ABHD12: variants seen among roughly 807,000 people sequenced by gnomAD.
ABHD12 encodes lysophosphatidylserine lipase ABHD12.
ABHD12 carries 43 observed loss-of-function variants against 58.3 expected under a neutral mutation model. The observed-to-expected ratio is 0.74, with a 90% CI of 0.58 to 0.95. ABHD12 has a LOEUF of 0.95. ABHD12 is among the 40% of genes least tolerant of loss of function. The pLI is 0.00. For synonymous variants in ABHD12, 219 were observed against 211.2 expected, an observed-to-expected ratio of 1.04 and a Z score of -0.32; for missense variants, 539 against 537.2, an observed-to-expected ratio of 1.00 and a Z score of -0.03.
chr20:25,369,159 G>A (rs377608634), intron 1 of ABHD12, among the ~76,000 whole-genome samples: 1 of 152,032 alleles, frequency 6.6e-6, no homozygotes, highest in African/African-American at 2.4e-5. Flanking sequence ...TTGGTGTGAG[G>A]TGGTATCTCA....
rs1031327245 is a variant in ABHD12 at position 25,335,061 on chromosome 20, C to A, written c.316+4166G>T. On this transcript the variant is annotated intron_variant, in intron 2 of 12. Coordinates refer to ENST00000339157, the MANE Select transcript of ABHD12 (RefSeq NM_001042472.3). ...AAATTTTCACAACCTACTCATCTGA[C>A]AAAGGGCTAATATCCAGAATCTACA... Among the ~76,000 whole-genome samples, 852 of 150,812 alleles carry A rather than the reference C, an allele frequency of 5.6e-3. 3 individuals carry two copies. The highest frequency in any genetic ancestry group is 0.019 in the African/African-American group (793 of 41,350).
At chr20:25,342,143 C>A (rs1030896888) in intron 1 of ABHD12, among the ~76,000 whole-genome samples, 2 of 145,892 alleles carry the variant, frequency 1.4e-5, no homozygotes, top group South Asian at 4.4e-4. Context: ...CAGCTTTACT[C>A]ACAGTAGCCA....
Position 25,302,208 on chromosome 20 carries a change from G to A in ABHD12, c.1157+11C>T. On this transcript the variant is annotated intron_variant, in intron 12 of 12. Transcript: ENST00000339157. ...CAGACGAAGCCCCTGGGTGGGAAGAGAATGTCTCACCTCAGTATCCGTGGC... is the reference window on the plus strand; with the variant it reads ...CAGACGAAGCCCCTGGGTGGGAAGAAAATGTCTCACCTCAGTATCCGTGGC... The A allele has an allele frequency of 6.2e-7, 1 of 1,612,870 alleles. No homozygotes were observed. Among genetic ancestry groups the A allele is most frequent in the Middle Eastern group, 2.0e-4 (1 of 5,126 alleles).
chr20:25,316,908 C>T, intron 5 of ABHD12, 140 bp downstream of exon 5: 1 of 786,996 alleles, frequency 1.3e-6, no homozygotes, highest in Non-Finnish European at 2.2e-6. Context: ...GCCTGGGCAA[C>T]AGAGGAGGAG....
chr20:25,296,631 G>A, downstream of ABHD12: 1 of 1,402,930 alleles, frequency 7.1e-7, no homozygotes, highest in Admixed American at 2.2e-5. Context: ...GCTTTTCTGA[G>A]TACCATGTTT....
intron 1 of ABHD12, among the ~76,000 whole-genome samples, chr20:25,361,511 CTATGTATTTCT>C (rs2089747765): frequency 6.6e-6 from 1 of 152,054 alleles, no homozygotes; most frequent in Non-Finnish European, 1.5e-5. Context: ...AGGTAACATT[CTATGTATTTCT>C]TATGTAATTC....
intron 1 of ABHD12, among the ~76,000 whole-genome samples, chr20:25,363,491 G>C (rs2089780508): frequency 6.6e-6 from 1 of 152,188 alleles, no homozygotes; most frequent in African/African-American, 2.4e-5. Flanking sequence ...TGCTGGGAGA[G>C]CAGGCGTGAG....
chr20:25,313,578 AAAAATAAAAT>A (rs56792874), intron 6 of ABHD12, among the ~76,000 whole-genome samples: 10,070 of 131,628 alleles, frequency 0.077, 403 homozygotes, highest in Middle Eastern at 0.14. Flanking sequence ...AATGATCAAT[AAAAATAAAAT>A]AAAATAAAAT....
intron 1 of ABHD12, among the ~76,000 whole-genome samples, chr20:25,387,809 G>A (rs1354540137): frequency 1.3e-5 from 2 of 151,728 alleles, no homozygotes; most frequent in Admixed American, 1.3e-4. Flanking sequence ...TTGGGAGGCC[G>A]AGGTGGGTGG....
At chr20:25,358,700 T>C (rs565104924) in intron 1 of ABHD12, among the ~76,000 whole-genome samples, 4 of 152,142 alleles carry the variant, frequency 2.6e-5, no homozygotes, top group South Asian at 2.1e-4. Context: ...GCAGAGTGCA[T>C]AGGGTGGCAC....
intron 1 of ABHD12, among the ~76,000 whole-genome samples, chr20:25,386,205 T>C (rs1212525543): frequency 6.6e-6 from 1 of 151,790 alleles, no homozygotes; most frequent in Non-Finnish European, 1.5e-5. Context: ...TTGATAAAGG[T>C]TGCATAAGAG....
intron 1 of ABHD12, among the ~76,000 whole-genome samples, chr20:25,377,232 C>T (rs2089972009): frequency 6.6e-6 from 1 of 152,146 alleles, no homozygotes; most frequent in African/African-American, 2.4e-5. Context: ...CCATGATGTG[C>T]CTTGTCAAGG....
chr20:25,303,479 CA>C, intron 11 of ABHD12, 70 bp downstream of exon 11: 3 of 1,591,794 alleles, frequency 1.9e-6, no homozygotes, highest in Middle Eastern at 3.9e-4. Flanking sequence ...TGCCCACTCC[CA>C]GCCTGGTCCA....
At chr20:25,307,067 C>T in intron 9 of ABHD12, 152 bp from the exon 10 acceptor site, 1 of 678,326 alleles carries the variant, frequency 1.5e-6, no homozygotes, top group East Asian at 2.8e-5. Context: ...CAAGGGGCCA[C>T]CAGAGCTGTG....
At chr20:25,296,017 G>T (rs774798492), downstream of ABHD12, among the ~76,000 whole-genome samples, 5 of 152,206 alleles carry the variant, frequency 3.3e-5, no homozygotes, top group African/African-American at 7.2e-5. Flanking sequence ...CAGCTGTGAG[G>T]CTCCCTGGTG....
rs1050390504 is a variant in ABHD12 at position 25,300,247 on chromosome 20, T to G, written c.*598A>C. ...CCACGATTTTATTCTTAAATAAAGC[T>G]CAGTCTAAGGCCAGGTTAGGTGTAC... On this transcript the variant is annotated 3_prime_UTR_variant, in exon 13 of 13. Coordinates refer to ENST00000339157, the MANE Select transcript of ABHD12 (RefSeq NM_001042472.3). The G allele has an allele frequency of 1.0e-6, 1 of 999,866 alleles. No homozygotes were observed. Among genetic ancestry groups the G allele is most frequent in the Admixed American group, 5.3e-5 (1 of 18,944 alleles). The allele number at this position is 999,866 out of a possible 1,614,324, so 61.9% of individuals were successfully genotyped here. A position where few individuals can be genotyped will look rare whatever the true frequency, so the allele number is the denominator to read the frequency against.
intron 6 of ABHD12, 142 bp from the exon 7 acceptor site, chr20:25,309,717 C>G: frequency 8.1e-7 from 1 of 1,229,050 alleles, no homozygotes; most frequent in Non-Finnish European, 1.1e-6. Flanking sequence ...CACAGACCCA[C>G]CCAGGCCACT....
At chr20:25,334,634 C>T (rs1212560871) in intron 2 of ABHD12, among the ~76,000 whole-genome samples, 2 of 151,760 alleles carry the variant, frequency 1.3e-5, no homozygotes, top group Non-Finnish European at 2.9e-5. Context: ...AGAACAGAGC[C>T]CTCAGAAATA....
chr20:25,337,664 G>C (rs2089395525), intron 2 of ABHD12, among the ~76,000 whole-genome samples: 2 of 152,246 alleles, frequency 1.3e-5, no homozygotes, highest in African/African-American at 4.8e-5. Context: ...ACCTGCCCAA[G>C]GGGGCCAGCA....
Sources: allele counts gnomAD v4.1 joint callset (sites outside exome capture counted in the v4.1 genomes callset), GRCh38; gene constraint gnomAD v4.1.1; transcripts MANE v1.5; gene names NCBI Gene and HGNC (gene_info 2026-07-23, HGNC 2026-07-21).